Variants in TRPC7 observed in about 807,000 individuals in gnomAD.
The protein encoded by TRPC7 is short transient receptor potential channel 7.
TRPC7 carries 42 observed loss-of-function variants against 90.1 expected under a neutral mutation model. The observed-to-expected ratio is 0.47, with a 90% CI of 0.36 to 0.60. The LOEUF (loss-of-function observed/expected upper bound fraction) is 0.60. Among genes scored for constraint, TRPC7 ranks in the 20% least tolerant of loss-of-function variants. The pLI is 0.00. For synonymous variants in TRPC7, 451 were observed against 436.3 expected, an observed-to-expected ratio of 1.03 and a Z score of -0.42; for missense variants, 955 against 1,112.3, an observed-to-expected ratio of 0.86 and a Z score of 2.01.
intron 1 of TRPC7, among the ~76,000 whole-genome samples, chr5:136,364,200 C>T (rs1760655259): frequency 6.6e-6 from 1 of 152,226 alleles, no homozygotes; most frequent in Non-Finnish European, 1.5e-5. Context: ...CAATTAGCCT[C>T]AATGAGGCTC....
rs542210946 is a variant in TRPC7 at position 136,301,989 on chromosome 5, G to T, written c.963+13608C>A. Among the ~76,000 whole-genome samples, 6 of 152,272 alleles carry T rather than the reference G, an allele frequency of 3.9e-5. No individual in the cohort carries two copies. The East Asian group carries it at 5.8e-4, about 15-fold the overall frequency. ...TCACCAATTTCAAATCCAGTAAGCG[G>T]CCTCTTTTTACTCTTCTCCAACCTC... On this transcript the variant is annotated intron_variant, in intron 3 of 11. Coordinates refer to ENST00000513104, the MANE Select transcript of TRPC7 (RefSeq NM_020389.3).
intron 3 of TRPC7, among the ~76,000 whole-genome samples, chr5:136,292,253 A>C (rs1470378643): frequency 6.6e-6 from 1 of 152,212 alleles, no homozygotes; most frequent in East Asian, 1.9e-4. Flanking sequence ...AAGAGCAAAC[A>C]CATTCAAAAG....
At chr5:136,361,953 C>T (rs1760582056) in intron 1 of TRPC7, among the ~76,000 whole-genome samples, 1 of 152,074 alleles carries the variant, frequency 6.6e-6, no homozygotes. Context: ...ATAATGTCTA[C>T]CAAATGCCCT....
At chr5:136,245,232 G>A (rs1580856783) in intron 7 of TRPC7, among the ~76,000 whole-genome samples, 1 of 152,196 alleles carries the variant, frequency 6.6e-6, no homozygotes, top group African/African-American at 2.4e-5. Context: ...GTGGGCCGAG[G>A]AGCAGAGCCA....
intron 3 of TRPC7, among the ~76,000 whole-genome samples, chr5:136,285,345 C>A (rs1210170480): frequency 6.6e-6 from 1 of 152,158 alleles, no homozygotes; most frequent in Non-Finnish European, 1.5e-5. Flanking sequence ...AGAATGACAT[C>A]CTCCATTTAA....
chr5:136,299,340 CGTGTGTGTGTGTGTGTGTGTGTGTGTGT>C (rs529330866), intron 3 of TRPC7, among the ~76,000 whole-genome samples: 1 of 122,688 alleles, frequency 8.2e-6, no homozygotes, highest in African/African-American at 3.1e-5. Flanking sequence ...GGGGTGTGTG[CGTGTGTGTGTGTGTGTGTGTGTGTGTGT>C]GTGTGTGTGT....
chr5:136,339,201 C>T (rs1193064668), intron 2 of TRPC7, among the ~76,000 whole-genome samples: 1 of 152,148 alleles, frequency 6.6e-6, no homozygotes, highest in Non-Finnish European at 1.5e-5. Flanking sequence ...TTGCTCATTC[C>T]TGGGTATAAG....
rs1318688167 is a variant in TRPC7 at position 136,217,917 on chromosome 5, T to C, written c.2344-1642A>G. 2.0e-5 allele frequency among the ~76,000 whole-genome samples: 3 copies of C among 150,706 alleles called. No homozygotes were observed. The East Asian group carries it at 5.9e-4, about 29-fold the overall frequency. ...CTGTAATCCCAGCTACTCGTGAGGC[T>C]GAGGCAGAGAGCATTGCTTGAACCT... is the stretch of plus-strand genomic sequence containing the variant. On this transcript the variant is annotated intron_variant, in intron 10 of 11. Coordinates refer to ENST00000513104, the MANE Select transcript of TRPC7 (RefSeq NM_020389.3).
At chr5:136,283,937 A>G (rs1321629866) in intron 3 of TRPC7, among the ~76,000 whole-genome samples, 3 of 152,188 alleles carry the variant, frequency 2.0e-5, no homozygotes, top group Non-Finnish European at 4.4e-5. Flanking sequence ...GAGTGCACAG[A>G]GCACTTTTAA....
intron 5 of TRPC7, among the ~76,000 whole-genome samples, chr5:136,257,874 A>C (rs1756735192): frequency 6.6e-6 from 1 of 152,206 alleles, no homozygotes. Flanking sequence ...TCTGAGTGGA[A>C]CTGCTTTTAG....
intron 6 of TRPC7, 140 bp downstream of exon 6, chr5:136,251,509 G>C: frequency 1.5e-6 from 1 of 687,180 alleles, no homozygotes; most frequent in South Asian, 1.9e-5. Flanking sequence ...ACTGACAGTG[G>C]AACTGCCAAA....
intron 3 of TRPC7, among the ~76,000 whole-genome samples, chr5:136,293,918 G>T (rs923369674): frequency 2.0e-5 from 3 of 152,148 alleles, no homozygotes; most frequent in Non-Finnish European, 4.4e-5. Context: ...AACCAAAACA[G>T]CATGATACTA....
chr5:136,335,523 G>A (rs1174252724), intron 2 of TRPC7, among the ~76,000 whole-genome samples: 1 of 151,992 alleles, frequency 6.6e-6, no homozygotes, highest in Non-Finnish European at 1.5e-5. Flanking sequence ...TTATCATTTA[G>A]TGTGTAGACT....
Position 136,213,523 on chromosome 5 carries a change from A to G in TRPC7, c.2501T>C (p.Leu834Pro), listed in dbSNP as rs1166938730. ...LEEKSQATGELADLIQQLSEK... is the reference protein window; with the variant it reads ...LEEKSQATGEPADLIQQLSEK... ...GCTGAGTTGTTGAATCAGGTCTGCCAGCTCACCAGTAGCTTGAGATTTTTC... is the reference window on the plus strand; with the variant it reads ...GCTGAGTTGTTGAATCAGGTCTGCCGGCTCACCAGTAGCTTGAGATTTTTC... Residue 834 changes from leucine (L) to proline (P), a missense_variant, in exon 12 of 12, where the codon CTG (leucine) becomes CCG (proline). Leu to Pro is a moderately conservative substitution (Grantham distance 98). Around this residue, in one of 4 missense-constraint regions of TRPC7, gnomAD observed 296 missense variants for 422.7 expected, o/e 0.70. Transcript: ENST00000513104. The G allele has an allele frequency of 6.2e-7, 1 of 1,614,062 alleles. No individual in the cohort carries two copies. The highest frequency in any genetic ancestry group is 8.5e-7 in the Non-Finnish European group (1 of 1,179,902).
At chr5:136,239,927 C>A (rs1255743872) in intron 7 of TRPC7, among the ~76,000 whole-genome samples, 1 of 152,128 alleles carries the variant, frequency 6.6e-6, no homozygotes, top group African/African-American at 2.4e-5. Flanking sequence ...CAGTAGAATC[C>A]CAGCACCCAG....
At chr5:136,257,270 C>T (rs1045011175) in intron 5 of TRPC7, among the ~76,000 whole-genome samples, 4 of 151,740 alleles carry the variant, frequency 2.6e-5, no homozygotes, top group African/African-American at 9.7e-5. Context: ...GCAACCCCCA[C>T]CTCCTGGGTT....
rs374202994 is a variant in TRPC7, at chr5:136,310,677, C to T, written c.963+4920G>A. Among the ~76,000 whole-genome samples the T allele has an allele frequency of 3.9e-5, 6 of 152,198 alleles. No homozygotes were observed. The East Asian group carries it at 7.7e-4, about 20-fold the overall frequency. ...GATGCTAGAACTGGGACCACCTGCACATCTGAAAGAGGTCACAGGTGTGAA... is the reference window on the plus strand; with the variant it reads ...GATGCTAGAACTGGGACCACCTGCATATCTGAAAGAGGTCACAGGTGTGAA... On this transcript the variant is annotated intron_variant, in intron 3 of 11. Transcript: ENST00000513104.
chr5:136,327,969 T>A (rs1208910568), intron 2 of TRPC7, among the ~76,000 whole-genome samples: 1 of 152,222 alleles, frequency 6.6e-6, no homozygotes, highest in Admixed American at 6.5e-5. Flanking sequence ...GGTAAGAACC[T>A]GAGCCTAGTG....
chr5:136,342,220 T>G (rs1759867477), intron 2 of TRPC7, among the ~76,000 whole-genome samples: 1 of 152,236 alleles, frequency 6.6e-6, no homozygotes. Flanking sequence ...GGGTCCTGCA[T>G]GGTCCCCCCA....
Sources: allele counts gnomAD v4.1 joint callset (sites outside exome capture counted in the v4.1 genomes callset), GRCh38; gene constraint gnomAD v4.1.1; regional missense constraint gnomAD v4.1.1; transcripts MANE v1.5; gene names NCBI Gene and HGNC (gene_info 2026-07-23, HGNC 2026-07-21).